SPTBN4: variants seen among roughly 807,000 people sequenced by gnomAD.
The protein encoded by SPTBN4 is spectrin beta, non-erythrocytic 4.
A neutral mutation model predicts 277.8 loss-of-function variants in SPTBN4; 96 were observed. That is an observed-to-expected ratio of 0.35 (90% CI 0.29 to 0.41). The LOEUF (loss-of-function observed/expected upper bound fraction) is 0.41. SPTBN4 is among the 10% of genes least tolerant of loss of function. The probability of loss-of-function intolerance (pLI) is 1.00; values close to 1 mark genes in which losing one functional copy is unlikely to be tolerated. For synonymous variants in SPTBN4, 1,481 were observed against 1,580.3 expected (o/e 0.94, Z 1.49); for missense variants, 3,006 against 3,595.7 (o/e 0.84, Z 4.19).
intron 26 of SPTBN4, among the ~76,000 whole-genome samples, chr19:40,558,289 G>A (rs750777606): frequency 3.2e-4 from 48 of 151,736 alleles, no homozygotes; most frequent in Admixed American, 8.5e-4. Flanking sequence ...CCCGGGAGGC[G>A]GAGGTTGCAG....
chr19:40,532,671 C>T lies in SPTBN4; in HGVS notation c.3995C>T (p.Thr1332Met), dbSNP rs2080690556. The change falls in exon 19 of 36, where the codon ACG (threonine) becomes ATG (methionine). Residue 1332 changes from threonine to methionine, a missense_variant. Transcript: ENST00000598249. The part of the protein sequence containing the change: ...HEKMLMARDG[T>M]REDNHKLHKR... The stretch of plus-strand genomic sequence containing the variant: ...AAGATGCTGATGGCGCGGGATGGCA[C>T]GCGGGAGGACAACCACAAGCTGCAT... 5.6e-6 allele frequency: 9 copies of T among 1,613,328 alleles called. No homozygotes were observed. Among genetic ancestry groups the T allele is most frequent in the African/African-American group, 1.3e-5 (1 of 74,846 alleles).
At chr19:40,558,947 T>TATTATGATGATG (rs1026792401) in intron 26 of SPTBN4, among the ~76,000 whole-genome samples, 4 of 146,140 alleles carry the variant, frequency 2.7e-5, no homozygotes, top group African/African-American at 1.0e-4. Flanking sequence ...TTATTATTAT[T>TATTATGATGATG]ATGAGGCAGA....
intron 17 of SPTBN4, among the ~76,000 whole-genome samples, chr19:40,528,181 T>G (rs1487677347): frequency 2.0e-5 from 3 of 151,672 alleles, no homozygotes; most frequent in African/African-American, 7.3e-5. Flanking sequence ...GGGAGACAGA[T>G]AGCAACAGGA....
intron 20 of SPTBN4, among the ~76,000 whole-genome samples, chr19:40,537,515 A>G (rs567680595): frequency 1.3e-5 from 2 of 152,334 alleles, no homozygotes; most frequent in East Asian, 1.9e-4. Flanking sequence ...AAAAGATCTC[A>G]GGGATCCCCC....
At chr19:40,506,783 G>A (rs570180852) in intron 13 of SPTBN4, among the ~76,000 whole-genome samples, 1 of 152,062 alleles carries the variant, frequency 6.6e-6, no homozygotes, top group South Asian at 2.1e-4. Flanking sequence ...TTCAAGACCA[G>A]CCTGGCCAAC....
chr19:40,502,119 CTG>C lies in SPTBN4; in HGVS notation c.898-5_898-4del, dbSNP rs1568781204. 1 of 1,613,282 alleles carries C rather than the reference CTG, an allele frequency of 6.2e-7. No individual in the cohort carries two copies. Among genetic ancestry groups the C allele is most frequent in the Non-Finnish European group, 8.5e-7 (1 of 1,179,648 alleles). On this transcript the variant is annotated splice_region_variant and splice_polypyrimidine_tract_variant and intron_variant, in intron 8 of 35. Transcript: ENST00000598249. The surrounding 1 kb of genome is among the most constrained non-coding windows in gnomAD (Gnocchi z 4.9). ...GATGAGGCTGACCCCCCTTCCTCTG[CTG>C]TGTCAGGTCTTGGACCAGGTATTGG...
At chr19:40,476,339 C>T (rs966041169) in intron 2 of SPTBN4, among the ~76,000 whole-genome samples, 1 of 127,780 alleles carries the variant, frequency 7.8e-6, no homozygotes, top group Non-Finnish European at 1.6e-5. Flanking sequence ...TAGCAAAACT[C>T]TGTCTCAAAA....
intron 2 of SPTBN4, 78 bp downstream of exon 2, chr19:40,472,868 G>A: frequency 4.9e-6 from 7 of 1,426,300 alleles, no homozygotes; most frequent in Non-Finnish European, 6.6e-6. Context: ...GTGGCTGGGA[G>A]GGTGGGAAAA....
intron 20 of SPTBN4, among the ~76,000 whole-genome samples, chr19:40,538,695 C>T (rs1351982926): frequency 1.3e-5 from 2 of 152,172 alleles, no homozygotes; most frequent in Non-Finnish European, 2.9e-5. Flanking sequence ...TCAAGTGAAC[C>T]TGTCACCTCA....
Position 40,560,587 on chromosome 19 carries a change from T to C in SPTBN4, c.5915+184T>C, listed in dbSNP as rs955778181. ...TCAGACCCCTTTTTTAGGCCTGTCA[T>C]TGGGGACTTCGGTCATGGGGCATCC... is the stretch of plus-strand genomic sequence containing the variant. On this transcript the variant is annotated intron_variant, in intron 27 of 35. Transcript: ENST00000598249. The surrounding 1 kb of genome is among the most constrained non-coding windows in gnomAD (Gnocchi z 5.2). 3.3e-5 allele frequency: 49 copies of C among 1,465,340 alleles called. No individual in the cohort carries two copies. The highest frequency in any genetic ancestry group is 5.7e-5 in the African/African-American group (4 of 70,476). The allele number at this position is 1,465,340 out of a possible 1,614,324, so 90.8% of individuals were successfully genotyped here. A position where few individuals can be genotyped will look rare whatever the true frequency, so the allele number is the denominator to read the frequency against.
chr19:40,537,219 A>G (rs2080748319), intron 20 of SPTBN4, among the ~76,000 whole-genome samples: 1 of 152,186 alleles, frequency 6.6e-6, no homozygotes, highest in African/African-American at 2.4e-5. Flanking sequence ...CATGTTGCCC[A>G]GGCTGGTCTC....
intron 2 of SPTBN4, among the ~76,000 whole-genome samples, chr19:40,484,702 T>C (rs10406294): frequency 0.11 from 16,213 of 149,772 alleles, 1,495 homozygotes; most frequent in African/African-American, 0.25. Flanking sequence ...CCAAGGGGGG[T>C]GGATCACGAG....
At chr19:40,529,665 G>A (rs1240678172) in intron 18 of SPTBN4, among the ~76,000 whole-genome samples, 1 of 152,148 alleles carries the variant, frequency 6.6e-6, no homozygotes, top group East Asian at 1.9e-4. Flanking sequence ...CCTTATTAGT[G>A]ACGGTTCAGG....
intron 20 of SPTBN4, among the ~76,000 whole-genome samples, chr19:40,548,085 G>A (rs973386758): frequency 2.6e-5 from 4 of 152,172 alleles, no homozygotes; most frequent in African/African-American, 9.7e-5. Context: ...GATTTGAATT[G>A]GCACCTATGA....
At chr19:40,533,551 A>C (rs2080701397) in intron 19 of SPTBN4, among the ~76,000 whole-genome samples, 1 of 152,146 alleles carries the variant, frequency 6.6e-6, no homozygotes, top group African/African-American at 2.4e-5. Flanking sequence ...TGTTGGCCTT[A>C]AACCCTTAAA....
intron 35 of SPTBN4, among the ~76,000 whole-genome samples, chr19:40,573,118 G>A (rs2081169931): frequency 6.6e-6 from 1 of 152,068 alleles, no homozygotes; most frequent in Non-Finnish European, 1.5e-5. Flanking sequence ...GATCAGCCTG[G>A]GCAACACGGA....
At position 40,548,135 on chromosome 19, in the gene SPTBN4, A is replaced by G. The variant is rs369777236; in HGVS notation, c.4360-1054A>G. On this transcript the variant is annotated intron_variant, in intron 20 of 35. Transcript: ENST00000598249. ...CCTGTGTATTTGGGTCTGCTTTTGC[A>G]CTTTCTGTCTATTCCTAAGACACAG... is the stretch of plus-strand genomic sequence containing the variant. Among the ~76,000 whole-genome samples the G allele has an allele frequency of 1.2e-4, 18 of 152,308 alleles. 1 individual carries two copies. Among genetic ancestry groups the G allele is most frequent in the African/African-American group, 4.3e-4 (18 of 41,578 alleles).
Position 40,556,014 on chromosome 19 carries a change from G to A in SPTBN4, c.5085-70G>A, listed in dbSNP as rs1021627903. The A allele has an allele frequency of 9.8e-6, 14 of 1,426,296 alleles. No homozygotes were observed. The African/African-American group carries it at 1.8e-4, about 19-fold the overall frequency. The allele number at this position is 1,426,296 out of a possible 1,614,324, so 88.4% of individuals were successfully genotyped here. A position where few individuals can be genotyped will look rare whatever the true frequency, so the allele number is the denominator to read the frequency against. On this transcript the variant is annotated intron_variant, in intron 24 of 35. Coordinates refer to ENST00000598249, the MANE Select transcript of SPTBN4 (RefSeq NM_020971.3). ...AACACAGCCCTGTCCTGGGGAGGGG[G>A]TTTAGGGGGGTCACGCTCTGCCCCA...
intron 20 of SPTBN4, chr19:40,534,678 G>T: frequency 3.3e-6 from 1 of 305,080 alleles, no homozygotes; most frequent in East Asian, 6.9e-5. Flanking sequence ...GAATGGCTTT[G>T]CATGGAATAA....
Sources: allele counts gnomAD v4.1 joint callset (sites outside exome capture counted in the v4.1 genomes callset), GRCh38; gene constraint gnomAD v4.1.1; non-coding constraint Gnocchi (gnomAD v3.1); transcripts MANE v1.5; gene names NCBI Gene and HGNC (gene_info 2026-07-23, HGNC 2026-07-21).